Variants in PKD2L2 observed in about 807,000 individuals in gnomAD.
The protein encoded by PKD2L2 is polycystin 2 like 2, transient receptor potential cation channel, also known as polycystin-2-like protein 2.
In PKD2L2, 67 loss-of-function variants were observed where a neutral mutation model predicts 83.9. The ratio of observed to expected loss-of-function variants is 0.80; its 90% CI spans 0.66 to 0.98. The LOEUF (loss-of-function observed/expected upper bound fraction) is 0.98. Ranked by LOEUF, PKD2L2 falls within the 50% of genes least tolerant of loss-of-function variation. PKD2L2 has a pLI of 0.00. For missense variants in PKD2L2, 632 were observed against 717.2 expected (o/e 0.88, Z 1.36); for synonymous variants, 223 against 237.8 (o/e 0.94, Z 0.57).
At chr5:137,899,056 C>T (rs756287988) in intron 4 of PKD2L2, among the ~76,000 whole-genome samples, 7 of 152,164 alleles carry the variant, frequency 4.6e-5, no homozygotes, top group Non-Finnish European at 5.9e-5. Flanking sequence ...TACTAGAATA[C>T]TTATGAATTT....
At chr5:137,897,033 ATATTATTATTAT>A (rs10536140) in intron 4 of PKD2L2, among the ~76,000 whole-genome samples, 2,184 of 137,016 alleles carry the variant, frequency 0.016, 35 homozygotes, top group African/African-American at 0.042. Context: ...ATACATTATT[ATATTATTATTAT>A]TATTATTATT....
intron 4 of PKD2L2, 91 bp from the exon 5 acceptor site, chr5:137,899,425 A>T: frequency 1.1e-6 from 1 of 923,988 alleles, no homozygotes; most frequent in Non-Finnish European, 1.7e-6. Context: ...CCAAAAAACT[A>T]CTACTTTTGA....
intron 8 of PKD2L2, among the ~76,000 whole-genome samples, chr5:137,912,167 T>A (rs1757890839): frequency 6.6e-6 from 1 of 152,194 alleles, no homozygotes; most frequent in Admixed American, 6.5e-5. Context: ...TAGATACATA[T>A]ACCAAGAAGT....
At position 137,890,534 on chromosome 5, in the gene PKD2L2, C is replaced by A; in HGVS notation, c.85C>A (p.Leu29Ile). 6.3e-7 allele frequency: 1 copy of A among 1,583,216 alleles called. No individual in the cohort carries two copies. The highest frequency in any genetic ancestry group is 8.6e-7 in the Non-Finnish European group (1 of 1,161,174). The change falls in exon 2 of 15, where the codon CTT (leucine) becomes ATT (isoleucine). Residue 29 changes from leucine to isoleucine, a missense_variant. Physicochemically the swap from Leu to Ile is conservative, Grantham distance 5 (BLOSUM62 2). Around this residue, in one of 3 missense-constraint regions of PKD2L2, gnomAD observed 229 missense variants for 281.5 expected, o/e 0.81. Transcript: ENST00000508883. ...AAAGGAAGTAGAAATTACAACCACA[C>A]TTCAGGAATTGTTACTCTACTTTAT... Reference protein sequence around the residue: ...YRKEVEITTTLQELLLYFIFL... With the variant: ...YRKEVEITTTIQELLLYFIFL...
At chr5:137,909,698 C>A (rs755920293) in intron 8 of PKD2L2, among the ~76,000 whole-genome samples, 1 of 151,562 alleles carries the variant, frequency 6.6e-6, no homozygotes, top group Non-Finnish European at 1.5e-5. Context: ...CCACATCCAG[C>A]CAATTTTTGT....
intron 5 of PKD2L2, among the ~76,000 whole-genome samples, chr5:137,900,607 C>T (rs958784765): frequency 2.6e-5 from 4 of 152,212 alleles, no homozygotes; most frequent in African/African-American, 9.6e-5. Flanking sequence ...GAAGCCATCA[C>T]TGCAGCTATG....
chr5:137,915,932 C>T (rs1332525048), intron 8 of PKD2L2, among the ~76,000 whole-genome samples: 1 of 151,860 alleles, frequency 6.6e-6, no homozygotes, highest in Non-Finnish European at 1.5e-5. Flanking sequence ...TTTAGAACTT[C>T]TTGTAGGATA....
In PKD2L2 at chr5:137,921,717, C is replaced by T. The variant is rs777626964; in HGVS notation, c.1410C>T (p.Tyr470=). 1.9e-6 allele frequency: 3 copies of T among 1,608,482 alleles called. No individual in the cohort carries two copies. The highest frequency in any genetic ancestry group is 2.6e-6 in the Non-Finnish European group (3 of 1,175,836). Residue 470 remains tyrosine, a synonymous_variant, in exon 9 of 15, where the codon TAC becomes TAT. Transcript: ENST00000508883. ...QQANPILGPI[Y]FITFIFFVFF... is the part of the protein sequence containing the mutation. Reference sequence around the variant, plus strand: ...CCAATCCTATCTTGGGACCCATTTACTTCATCACTTTCATCTTTTTTGTGT... The same window carrying T: ...CCAATCCTATCTTGGGACCCATTTATTTCATCACTTTCATCTTTTTTGTGT...
At chr5:137,907,680 G>A in intron 6 of PKD2L2, 62 bp from the exon 7 acceptor site, 2 of 969,518 alleles carry the variant, frequency 2.1e-6, no homozygotes, top group Non-Finnish European at 1.4e-6. Flanking sequence ...TTCCTCATAG[G>A]CTGTAAGATA....
At chr5:137,905,424 A>G (rs1191282793) in intron 5 of PKD2L2, among the ~76,000 whole-genome samples, 2 of 152,134 alleles carry the variant, frequency 1.3e-5, no homozygotes, top group African/African-American at 2.4e-5. Flanking sequence ...GTAAGATGTA[A>G]GTTTTATTTG....
At position 137,899,499 on chromosome 5, in the gene PKD2L2, C is replaced by G. The variant is rs746830097; in HGVS notation, c.525-17C>G. 7.0e-7 allele frequency: 1 copy of G among 1,426,520 alleles called. No homozygotes were observed. Among genetic ancestry groups the G allele is most frequent in the Admixed American group, 1.7e-5 (1 of 57,384 alleles). 88.4% of individuals were successfully genotyped at this position (1,426,520 alleles called of 1,614,324 possible). A position where few individuals can be genotyped will look rare whatever the true frequency, so the allele number is the denominator to read the frequency against. ...TGGGCTTTGTCATTTCACCATTATT[C>G]TTTTTATGTGTAACAGATGGAGATA... is the stretch of plus-strand genomic sequence containing the variant. On this transcript the variant is annotated splice_polypyrimidine_tract_variant and intron_variant, in intron 4 of 14. Coordinates refer to ENST00000508883, the MANE Select transcript of PKD2L2 (RefSeq NM_001300921.2).
intron 1 of PKD2L2, 44 bp downstream of exon 1, chr5:137,889,566 G>C: frequency 6.7e-7 from 1 of 1,500,422 alleles, no homozygotes; most frequent in Middle Eastern, 1.7e-4. Flanking sequence ...GGGCGATTTG[G>C]CAGTTCCAGA....
Position 137,894,605 on chromosome 5 carries a change from A to G in PKD2L2, c.520A>G (p.Thr174Ala). The part of the protein sequence containing the change: ...DLSNFGLQIN[T>A]EWRYSTSNTN... ...CTCTAATTTTGGCCTTCAAATTAAT[A>G]CTGAGTAAGTAGCATAAAATTATAC... The change falls in exon 4 of 15, where the codon ACT becomes GCT. Residue 174 changes from threonine to alanine, a missense_variant. Thr to Ala is a moderately conservative substitution (Grantham distance 58). Around this residue, in one of 3 missense-constraint regions of PKD2L2, gnomAD observed 229 missense variants for 281.5 expected, o/e 0.81. Transcript: ENST00000508883. The G allele has an allele frequency of 6.2e-7, 1 of 1,607,664 alleles. No homozygotes were observed. The highest frequency in any genetic ancestry group is 1.1e-5 in the South Asian group (1 of 90,822).
chr5:137,931,774 T>TA lies in PKD2L2; in HGVS notation c.1672-4022dup, dbSNP rs1759899655. Among the ~76,000 whole-genome samples, 4 of 152,230 alleles carry TA rather than the reference T, an allele frequency of 2.6e-5. No individual in the cohort carries two copies. The South Asian group carries it at 8.3e-4, about 32-fold the overall frequency. Reference sequence around the variant, plus strand: ...ATTGGAGGGGTAAAGTCAAAACAATTAGATAAGAGAACTACATTAGAGGTA... The same window carrying TA: ...ATTGGAGGGGTAAAGTCAAAACAATTAAGATAAGAGAACTACATTAGAGGTA... On this transcript the variant is annotated intron_variant, in intron 12 of 14. Transcript: ENST00000508883.
chr5:137,919,497 G>C (rs112073497), intron 8 of PKD2L2, among the ~76,000 whole-genome samples: 2,835 of 143,240 alleles, frequency 0.02, 36 homozygotes, highest in Admixed American at 0.041. Flanking sequence ...AGAAAAGAAT[G>C]AGAATGGTTC....
At position 137,890,039 on chromosome 5, in the gene PKD2L2, C is replaced by T. The variant is rs1167322111; in HGVS notation, c.32-442C>T. ...GTGGCTCAAGCCTGTAATCCCAACACTTTGGGAGGCCGAGGCGGGCGGATC... is the reference window on the plus strand; with the variant it reads ...GTGGCTCAAGCCTGTAATCCCAACATTTTGGGAGGCCGAGGCGGGCGGATC... On this transcript the variant is annotated intron_variant, in intron 1 of 14. Coordinates refer to ENST00000508883, the MANE Select transcript of PKD2L2 (RefSeq NM_001300921.2). 2.9e-4 allele frequency: 47 copies of T among 160,828 alleles called. 1 individual carries two copies. The highest frequency in any genetic ancestry group is 2.7e-5 in the Non-Finnish European group (2 of 74,278). The allele number at this position is 160,828 out of a possible 1,614,324, so 10.0% of individuals were successfully genotyped here. A position where few individuals can be genotyped will look rare whatever the true frequency, so the allele number is the denominator to read the frequency against.
chr5:137,894,281 C>A, intron 3 of PKD2L2, 72 bp from the exon 4 acceptor site: 1 of 1,259,186 alleles, frequency 7.9e-7, no homozygotes, highest in Non-Finnish European at 1.1e-6. Flanking sequence ...ATCTCTTATG[C>A]ATAATGTTAT....
Position 137,936,305 on chromosome 5 carries a change from T to A in PKD2L2, c.1785-15T>A. The stretch of plus-strand genomic sequence containing the variant: ...TATTACTGACTCATTCTCTACTTCC[T>A]TCGAAATTTTCTAGACTTTTTTTAT... On this transcript the variant is annotated splice_polypyrimidine_tract_variant and intron_variant, in intron 13 of 14. Transcript: ENST00000508883. 1 of 1,525,692 alleles carries A rather than the reference T, an allele frequency of 6.6e-7. No individual in the cohort carries two copies. Among genetic ancestry groups the A allele is most frequent in the Non-Finnish European group, 8.8e-7 (1 of 1,137,668 alleles). 94.5% of individuals were successfully genotyped at this position (1,525,692 alleles called of 1,614,324 possible).
At chr5:137,904,043 A>ACC in intron 5 of PKD2L2, among the ~76,000 whole-genome samples, 1 of 152,226 alleles carries the variant, frequency 6.6e-6, no homozygotes, top group South Asian at 2.1e-4. Context: ...GACGTGAGCC[A>ACC]CCCCGCCCAG....
Sources: allele counts gnomAD v4.1 joint callset (sites outside exome capture counted in the v4.1 genomes callset), GRCh38; gene constraint gnomAD v4.1.1; regional missense constraint gnomAD v4.1.1; transcripts MANE v1.5; gene names NCBI Gene and HGNC (gene_info 2026-07-23, HGNC 2026-07-21).